Variants in CLSTN2 observed in about 807,000 individuals in gnomAD.
The protein encoded by CLSTN2 is calsyntenin 2, also known as calsyntenin-2.
Under a neutral mutation model 101.2 loss-of-function variants are expected in CLSTN2, and 48 were observed. The observed-to-expected ratio is 0.47, with a 90% CI of 0.38 to 0.60. The LOEUF is 0.60. Ranked by LOEUF, CLSTN2 falls within the 20% of genes least tolerant of loss-of-function variation. The pLI, the probability that CLSTN2 is intolerant of heterozygous loss-of-function variation, is 0.00. For synonymous variants in CLSTN2, 481 were observed against 463.6 expected, an observed-to-expected ratio of 1.04 and a Z score of -0.48; for missense variants, 1,160 against 1,238.2, an observed-to-expected ratio of 0.94 and a Z score of 0.95.
intron 8 of CLSTN2, among the ~76,000 whole-genome samples, chr3:140,467,466 T>G (rs1283802905): frequency 6.6e-6 from 1 of 152,200 alleles, no homozygotes; most frequent in Non-Finnish European, 1.5e-5. Context: ...TCAAAAGTGT[T>G]TTAAATTATC....
At chr3:140,174,244 G>C (rs2010286623) in intron 1 of CLSTN2, among the ~76,000 whole-genome samples, 1 of 152,148 alleles carries the variant, frequency 6.6e-6, no homozygotes, top group Non-Finnish European at 1.5e-5. Context: ...AATGCTGCCA[G>C]TCTCTGCTAA....
At chr3:140,492,815 C>T (rs1934378608) in intron 8 of CLSTN2, among the ~76,000 whole-genome samples, 2 of 152,110 alleles carry the variant, frequency 1.3e-5, no homozygotes, top group African/African-American at 4.8e-5. Flanking sequence ...TGCTGTCTGC[C>T]TGGTTGGATG....
chr3:140,141,690 C>T (rs2009699580), intron 1 of CLSTN2, among the ~76,000 whole-genome samples: 2 of 152,214 alleles, frequency 1.3e-5, no homozygotes, highest in Non-Finnish European at 2.9e-5. Context: ...TCTTATGCTG[C>T]CCGGGAACCC....
At chr3:140,421,300 T>G in intron 5 of CLSTN2, 26 bp downstream of exon 5, 1 of 1,613,564 alleles carries the variant, frequency 6.2e-7, no homozygotes, top group Non-Finnish European at 8.5e-7. Context: ...CAGTCTTGTG[T>G]GAAGGCAGCA....
At chr3:139,962,677 C>T (rs1935532180) in intron 1 of CLSTN2, among the ~76,000 whole-genome samples, 1 of 152,156 alleles carries the variant, frequency 6.6e-6, no homozygotes. Context: ...CGTTTGGCTT[C>T]TTTTACTCAG....
chr3:139,965,686 A>G (rs1935587431), intron 1 of CLSTN2, among the ~76,000 whole-genome samples: 1 of 152,204 alleles, frequency 6.6e-6, no homozygotes, highest in African/African-American at 2.4e-5. Context: ...TTTCAGAACC[A>G]GGTAAGATGG....
intron 2 of CLSTN2, among the ~76,000 whole-genome samples, chr3:140,391,366 CGTGGGGGG>C (rs2088112065): frequency 5.3e-4 from 1 of 1,876 alleles, no homozygotes; most frequent in African/African-American, 4.7e-3. Flanking sequence ...TCACTATTTG[CGTGGGGGG>C]GTGGGCGGGA....
chr3:140,550,771 T>C (rs1236220778), intron 10 of CLSTN2, among the ~76,000 whole-genome samples: 1 of 151,432 alleles, frequency 6.6e-6, no homozygotes, highest in African/African-American at 2.4e-5. Context: ...CACAAAAAAC[T>C]GTGGGGACTG....
intron 8 of CLSTN2, among the ~76,000 whole-genome samples, chr3:140,470,988 C>T (rs958356528): frequency 1.6e-4 from 25 of 152,136 alleles, no homozygotes; most frequent in African/African-American, 4.3e-4. Flanking sequence ...TGCCCCGCAC[C>T]GCAGCAGGCT....
intron 1 of CLSTN2, among the ~76,000 whole-genome samples, chr3:140,134,943 C>T (rs903820219): frequency 6.6e-6 from 1 of 151,610 alleles, no homozygotes; most frequent in African/African-American, 2.4e-5. Flanking sequence ...ACTATATGAA[C>T]ATTTTAGAAT....
chr3:140,353,055 C>T (rs920604498), intron 2 of CLSTN2, among the ~76,000 whole-genome samples: 2 of 151,988 alleles, frequency 1.3e-5, no homozygotes, highest in African/African-American at 2.4e-5. Flanking sequence ...TATATTGTAT[C>T]AGATATTAAA....
At chr3:140,304,334 G>T (rs114999188) in intron 2 of CLSTN2, among the ~76,000 whole-genome samples, 1 of 152,266 alleles carries the variant, frequency 6.6e-6, no homozygotes, top group African/African-American at 2.4e-5. Flanking sequence ...TAGACTAGGT[G>T]GTTTAAACAA....
chr3:140,436,017 T>C (rs775855645), intron 5 of CLSTN2, among the ~76,000 whole-genome samples: 2 of 152,224 alleles, frequency 1.3e-5, no homozygotes, highest in Non-Finnish European at 2.9e-5. Flanking sequence ...TTCCATTCTG[T>C]GAGTTGTCTC....
Position 140,175,935 on chromosome 3 carries a change from C to A in CLSTN2, c.110-16C>A. On this transcript the variant is annotated splice_polypyrimidine_tract_variant and intron_variant, in intron 1 of 16. Coordinates refer to ENST00000458420, the MANE Select transcript of CLSTN2 (RefSeq NM_022131.3). ...TAAATAATGATCCTTTTTGTTTTTT[C>A]CCCCTTATTTTCTAGTCAATAAGCA... The A allele has an allele frequency of 6.3e-7, 1 of 1,583,482 alleles. No individual in the cohort carries two copies. Among genetic ancestry groups the A allele is most frequent in the Non-Finnish European group, 8.6e-7 (1 of 1,166,210 alleles).
At chr3:140,505,347 G>A (rs1934666343) in intron 8 of CLSTN2, among the ~76,000 whole-genome samples, 1 of 152,066 alleles carries the variant, frequency 6.6e-6, no homozygotes, top group Non-Finnish European at 1.5e-5. Context: ...GTCTGTACTG[G>A]GGCTCCATTA....
At chr3:140,202,525 T>G (rs2010730458) in intron 2 of CLSTN2, among the ~76,000 whole-genome samples, 1 of 152,156 alleles carries the variant, frequency 6.6e-6, no homozygotes, top group African/African-American at 2.4e-5. Flanking sequence ...GACCAGGCAT[T>G]CACGTTAGAA....
At chr3:140,101,696 G>A (rs1211003517) in intron 1 of CLSTN2, among the ~76,000 whole-genome samples, 1 of 152,152 alleles carries the variant, frequency 6.6e-6, no homozygotes, top group Non-Finnish European at 1.5e-5. Context: ...TGGGTTGTTG[G>A]TTTTCCAGGA....
intron 2 of CLSTN2, among the ~76,000 whole-genome samples, chr3:140,391,254 G>A (rs1358717702): frequency 2.0e-5 from 3 of 151,856 alleles, no homozygotes; most frequent in Non-Finnish European, 4.4e-5. Context: ...TGCCCTCAGG[G>A]CAAAGGATCA....
chr3:140,091,030 C>G (rs987667881), intron 1 of CLSTN2, among the ~76,000 whole-genome samples: 3 of 151,936 alleles, frequency 2.0e-5, no homozygotes, highest in African/African-American at 4.8e-5. Flanking sequence ...GTGGAGTGGC[C>G]CAGACTGACT....
Sources: allele counts gnomAD v4.1 joint callset (sites outside exome capture counted in the v4.1 genomes callset), GRCh38; gene constraint gnomAD v4.1.1; transcripts MANE v1.5; gene names NCBI Gene and HGNC (gene_info 2026-07-23, HGNC 2026-07-21).